The following MARCHF3 variants were observed in gnomAD, a reference collection of about 807,000 sequenced individuals.
MARCHF3 encodes membrane associated ring-CH-type finger 3.
In MARCHF3, 13 loss-of-function variants were observed where a neutral mutation model predicts 24.2. The ratio of observed to expected loss-of-function variants is 0.54; its 90% CI spans 0.35 to 0.85. The LOEUF is 0.85. MARCHF3 is among the 40% of genes least tolerant of loss of function. The probability of loss-of-function intolerance (pLI) is 0.01; values close to 1 mark genes in which losing one functional copy is unlikely to be tolerated. For missense variants in MARCHF3, 276 were observed against 325.0 expected (o/e 0.85, Z 1.16); for synonymous variants, 144 against 137.3 (o/e 1.05, Z -0.34).
chr5:126,919,631 G>A (rs970575468), intron 1 of MARCHF3, among the ~76,000 whole-genome samples: 1 of 152,198 alleles, frequency 6.6e-6, no homozygotes, highest in Admixed American at 6.5e-5. Context: ...TCAACTGGAT[G>A]TTCTCAGGCA....
chr5:126,970,812 C>T (rs1233963652), intron 1 of MARCHF3, among the ~76,000 whole-genome samples: 1 of 152,186 alleles, frequency 6.6e-6, no homozygotes, highest in Non-Finnish European at 1.5e-5. Context: ...TTCCTACTTC[C>T]TGTCATTTCC....
intron 4 of MARCHF3, among the ~76,000 whole-genome samples, chr5:126,874,240 T>C (rs1270858232): frequency 1.3e-5 from 2 of 152,190 alleles, no homozygotes; most frequent in African/African-American, 4.8e-5. Flanking sequence ...AATGTTAGCA[T>C]CCACTCTTCC....
intron 1 of MARCHF3, among the ~76,000 whole-genome samples, chr5:127,022,076 C>G (rs1038233065): frequency 3.9e-5 from 6 of 152,116 alleles, no homozygotes; most frequent in Non-Finnish European, 7.3e-5. Context: ...GATCTTGTTT[C>G]TCAATGATAG....
chr5:126,903,862 G>T (rs1462326594), intron 3 of MARCHF3, among the ~76,000 whole-genome samples: 1 of 151,574 alleles, frequency 6.6e-6, no homozygotes, highest in East Asian at 1.9e-4. Context: ...GTGCACAATG[G>T]GCAGGTTAGT....
At chr5:126,881,556 T>C (rs1753342039) in intron 3 of MARCHF3, among the ~76,000 whole-genome samples, 1 of 152,200 alleles carries the variant, frequency 6.6e-6, no homozygotes, top group African/African-American at 2.4e-5. Flanking sequence ...TTACTTAACA[T>C]AGAATACCAT....
intron 3 of MARCHF3, among the ~76,000 whole-genome samples, chr5:126,896,608 C>G (rs1475756644): frequency 1.3e-5 from 2 of 152,068 alleles, no homozygotes; most frequent in Non-Finnish European, 2.9e-5. Context: ...ATATGTATAA[C>G]TGAAGCACCA....
chr5:126,996,587 A>C (rs578243698), intron 1 of MARCHF3, among the ~76,000 whole-genome samples: 20 of 151,920 alleles, frequency 1.3e-4, no homozygotes, highest in Middle Eastern at 3.5e-3. Context: ...AGGCTTTAAG[A>C]GGGGTTGCAG....
chr5:126,893,767 T>C (rs1214231808), intron 3 of MARCHF3, among the ~76,000 whole-genome samples: 2 of 111,120 alleles, frequency 1.8e-5, no homozygotes, highest in Admixed American at 9.8e-5. Context: ...GTATATTCTG[T>C]TGATTTGGGG....
intron 1 of MARCHF3, among the ~76,000 whole-genome samples, chr5:127,023,829 C>T (rs901254335): frequency 1.3e-5 from 2 of 152,010 alleles, no homozygotes; most frequent in South Asian, 2.1e-4. Context: ...GCTTCCCCTT[C>T]GTGCTGAACT....
chr5:126,931,261 T>C (rs1165411455), intron 1 of MARCHF3, among the ~76,000 whole-genome samples: 1 of 152,090 alleles, frequency 6.6e-6, no homozygotes, highest in Non-Finnish European at 1.5e-5. Context: ...GTTTTTGGTT[T>C]CCCTAGAATG....
chr5:126,896,435 A>G (rs1202284529), intron 3 of MARCHF3, among the ~76,000 whole-genome samples: 3 of 152,132 alleles, frequency 2.0e-5, no homozygotes, highest in Non-Finnish European at 4.4e-5. Flanking sequence ...AACCAGCTGG[A>G]TGAATAGAGT....
intron 3 of MARCHF3, among the ~76,000 whole-genome samples, chr5:126,911,601 T>C (rs184716794): frequency 2.0e-5 from 3 of 152,356 alleles, no homozygotes; most frequent in Admixed American, 2.0e-4. Context: ...CTGACTAACA[T>C]AGATGATTGC....
chr5:126,882,042 A>G (rs1487372049), intron 3 of MARCHF3, among the ~76,000 whole-genome samples: 3 of 152,220 alleles, frequency 2.0e-5, no homozygotes, highest in East Asian at 3.8e-4. Context: ...CAACAGTCCT[A>G]TGTAGTAGGT....
At chr5:126,966,054 A>G (rs896767774) in intron 1 of MARCHF3, among the ~76,000 whole-genome samples, 2 of 152,240 alleles carry the variant, frequency 1.3e-5, no homozygotes, top group Non-Finnish European at 2.9e-5. Flanking sequence ...TGCATCTCAT[A>G]GATATCATGC....
chr5:126,870,704 C>T lies in MARCHF3; in HGVS notation c.691G>A (p.Val231Ile), dbSNP rs781099309. The T allele has an allele frequency of 1.2e-6, 2 of 1,614,198 alleles. No homozygotes were observed. Among genetic ancestry groups the T allele is most frequent in the Non-Finnish European group, 1.7e-6 (2 of 1,180,048 alleles). Residue 231 changes from valine to isoleucine, a missense_variant, in exon 5 of 5, where the codon GTA becomes ATA. Transcript: ENST00000308660. ...AGCAAGGACGGCTGGTTAGAAGGTA[C>T]ATTGACAGACTTTGGAATGAGGAGA... ...VILLIPKSVN[V>I]PSNQPSLLGL... is the part of the protein sequence containing the mutation.
chr5:126,912,413 A>C (rs1580633677), intron 3 of MARCHF3, among the ~76,000 whole-genome samples: 1 of 152,222 alleles, frequency 6.6e-6, no homozygotes, highest in East Asian at 1.9e-4. Context: ...TGTTATTGTC[A>C]CATCGATTTT....
intron 1 of MARCHF3, among the ~76,000 whole-genome samples, chr5:127,026,894 T>C (rs1426730759): frequency 2.0e-5 from 3 of 152,256 alleles, no homozygotes; most frequent in Admixed American, 6.5e-5. Context: ...CCAAGTTTAA[T>C]ACCCTGGCCT....
chr5:127,003,169 CGGTGTGAAACTAGAAAAATAAGGCTTTT>C (rs372059238), intron 1 of MARCHF3, among the ~76,000 whole-genome samples: 2,738 of 151,176 alleles, frequency 0.018, 47 homozygotes, highest in Non-Finnish European at 0.027. Context: ...TTGGTAAGTG[CGGTGTGAAACTAGAAAAATAAGGCTTTT>C]GGCCGGGCGC....
At chr5:126,929,619 C>T (rs1361917241) in intron 1 of MARCHF3, among the ~76,000 whole-genome samples, 1 of 152,156 alleles carries the variant, frequency 6.6e-6, no homozygotes, top group Non-Finnish European at 1.5e-5. Flanking sequence ...CTATGATAGC[C>T]AGTCTTCAGA....
Sources: gnomAD v4.1 joint callset for allele counts (sites outside exome capture counted in the v4.1 genomes callset) on GRCh38, gnomAD v4.1.1 for gene constraint, MANE v1.5 for transcripts, NCBI Gene and HGNC (gene_info 2026-07-23, HGNC 2026-07-21) for gene names.